The following EYS variants were observed in gnomAD, a reference collection of about 807,000 sequenced individuals.
EYS encodes the protein EGF-like photoreceptor maintenance factor, also known as protein eyes shut homolog.
EYS carries 250 observed loss-of-function variants against 282.1 expected under a neutral mutation model. That is an observed-to-expected ratio of 0.89 (90% CI 0.80 to 0.98). EYS has a LOEUF of 0.98. EYS is among the 50% of genes least tolerant of loss of function. The pLI is 0.00. For missense variants in EYS, 4,016 were observed against 3,709.0 expected (o/e 1.08, Z -2.15); for synonymous variants, 1,355 against 1,282.9 (o/e 1.06, Z -1.20).
At position 64,336,562 on chromosome 6, in the gene EYS, G is replaced by T. The variant is rs191337639; in HGVS notation, c.6079-29480C>A. Among the ~76,000 whole-genome samples the T allele has an allele frequency of 8.2e-4, 124 of 152,112 alleles. 1 individual carries two copies. Among genetic ancestry groups the T allele is most frequent in the Admixed American group, 7.1e-3 (109 of 15,264 alleles). On this transcript the variant is annotated intron_variant, in intron 29 of 42. Transcript: ENST00000503581. ...ATACTCCACTGACAGCCCTAGACAG[G>T]TCATCAAGACAGAAAGTCAACAAAG...
intron 36 of EYS, among the ~76,000 whole-genome samples, chr6:63,852,527 AT>A (rs1772285919): frequency 6.6e-6 from 1 of 152,188 alleles, no homozygotes; most frequent in African/African-American, 2.4e-5. Context: ...GACCAGATGA[AT>A]TCACAGCTGA....
intron 26 of EYS, among the ~76,000 whole-genome samples, chr6:64,502,304 G>T (rs1006197469): frequency 6.6e-6 from 1 of 151,884 alleles, no homozygotes; most frequent in African/African-American, 2.4e-5. Context: ...TCAGTGGCGC[G>T]ATCTCGACTC....
At chr6:64,546,066 C>G (rs1215059110) in intron 26 of EYS, among the ~76,000 whole-genome samples, 1 of 152,168 alleles carries the variant, frequency 6.6e-6, no homozygotes, top group African/African-American at 2.4e-5. Flanking sequence ...ATTGCCAAGT[C>G]AATCCTAAGC....
At chr6:64,544,335 A>G (rs1320001353) in intron 26 of EYS, among the ~76,000 whole-genome samples, 5 of 152,244 alleles carry the variant, frequency 3.3e-5, no homozygotes, top group Non-Finnish European at 7.3e-5. Context: ...GTTGCAATTA[A>G]GTGAATTCAG....
rs564835592 is a variant in EYS at position 64,194,064 on chromosome 6, G to C, written c.6424+36528C>G. Among the ~76,000 whole-genome samples the C allele has an allele frequency of 2.0e-5, 3 of 152,116 alleles. No individual in the cohort carries two copies. The East Asian group carries it at 5.8e-4, about 29-fold the overall frequency. Reference sequence around the variant, plus strand: ...TGGTATGGTATTTTTAGTAGAGACGGGGTTTCACCACGTAAGCCAGGATAG... The same window carrying C: ...TGGTATGGTATTTTTAGTAGAGACGCGGTTTCACCACGTAAGCCAGGATAG... On this transcript the variant is annotated intron_variant, in intron 31 of 42. Coordinates refer to ENST00000503581, the MANE Select transcript of EYS (RefSeq NM_001142800.2).
chr6:64,359,114 T>C (rs1301305861), intron 29 of EYS, among the ~76,000 whole-genome samples: 1 of 151,660 alleles, frequency 6.6e-6, no homozygotes, highest in Non-Finnish European at 1.5e-5. Context: ...TTATGTTAGG[T>C]TGTCCACTTA....
At chr6:64,778,600 A>G (rs1446107519) in intron 22 of EYS, among the ~76,000 whole-genome samples, 1 of 152,176 alleles carries the variant, frequency 6.6e-6, no homozygotes, top group Non-Finnish European at 1.5e-5. Flanking sequence ...CAAGAGAATG[A>G]CAGATAAGCC....
intron 2 of EYS, among the ~76,000 whole-genome samples, chr6:65,621,889 A>T (rs1409692182): frequency 6.6e-6 from 1 of 152,312 alleles, no homozygotes; most frequent in East Asian, 1.9e-4. Flanking sequence ...AATGAAGAGA[A>T]GTTAAGTGAG....
intron 22 of EYS, among the ~76,000 whole-genome samples, chr6:64,710,399 T>C (rs914159421): frequency 5.9e-5 from 9 of 152,196 alleles, no homozygotes; most frequent in African/African-American, 9.6e-5. Context: ...TTCACCTGCA[T>C]AGGGCACCAA....
At chr6:63,742,604 T>C (rs1248523158) in intron 41 of EYS, among the ~76,000 whole-genome samples, 3 of 152,152 alleles carry the variant, frequency 2.0e-5, no homozygotes, top group Non-Finnish European at 4.4e-5. Flanking sequence ...CCAATAATGC[T>C]CTTCAAGAAA....
At chr6:64,412,428 T>C (rs771412170) in intron 28 of EYS, among the ~76,000 whole-genome samples, 4 of 152,154 alleles carry the variant, frequency 2.6e-5, no homozygotes, top group African/African-American at 4.8e-5. Context: ...TTAGTATTTA[T>C]TTATCTAATG....
intron 12 of EYS, among the ~76,000 whole-genome samples, chr6:65,077,515 A>T (rs992073454): frequency 1.3e-5 from 2 of 152,154 alleles, no homozygotes; most frequent in African/African-American, 2.4e-5. Context: ...AAATAAATGC[A>T]TTAAGTTAGA....
chr6:63,838,452 G>C (rs1306798413), intron 36 of EYS, among the ~76,000 whole-genome samples: 1 of 152,084 alleles, frequency 6.6e-6, no homozygotes, highest in Non-Finnish European at 1.5e-5. Flanking sequence ...GCTTCCCTAA[G>C]GGCTTCTCCA....
Position 63,863,663 on chromosome 6 carries a change from C to CTTTTTTTTTTTTTT in EYS, c.7228+522_7228+523insAAAAAAAAAAAAAA. Among the ~76,000 whole-genome samples, 2 of 55,792 alleles carry CTTTTTTTTTTTTTT rather than the reference C, an allele frequency of 3.6e-5. 1 individual carries two copies. The allele number at this position is 55,792 out of a possible 152,430, so 36.6% of individuals were successfully genotyped here. A position where few individuals can be genotyped will look rare whatever the true frequency, so the allele number is the denominator to read the frequency against. On this transcript the variant is annotated intron_variant, in intron 36 of 42. Coordinates refer to ENST00000503581, the MANE Select transcript of EYS (RefSeq NM_001142800.2). Reference sequence around the variant, plus strand: ...TTTTTCTTTTCTTTTCTTTTCTTTTCTTTTCTTTTTTCTTTTTTTTTTTTT... The same window carrying CTTTTTTTTTTTTTT: ...TTTTTCTTTTCTTTTCTTTTCTTTTCTTTTTTTTTTTTTTTTTTCTTTTTTCTTTTTTTTTTTTT...
At chr6:63,754,686 T>C (rs1769431914) in intron 41 of EYS, among the ~76,000 whole-genome samples, 2 of 152,250 alleles carry the variant, frequency 1.3e-5, no homozygotes, top group African/African-American at 2.4e-5. Flanking sequence ...GCATGATTTA[T>C]AATCCTTTGG....
chr6:65,335,015 A>T lies in EYS; in HGVS notation c.1731T>A (p.His577Gln), dbSNP rs1582153415. The T allele has an allele frequency of 6.2e-7, 1 of 1,610,864 alleles. No homozygotes were observed. Among genetic ancestry groups the T allele is most frequent in the South Asian group, 1.1e-5 (1 of 91,034 alleles). ...TTDDQENECQ[H>Q]EAVCKDEINR... ...TAATTTCATCTTTACAAACAGCTTC[A>T]TGTTGACACTCATTTTCTTGATCAT... The change falls in exon 11 of 43, where the codon CAT becomes CAA. Residue 577 changes from histidine (H) to glutamine (Q), a missense_variant. By Grantham distance (24) the His-to-Gln change is conservative. Coordinates refer to ENST00000503581, the MANE Select transcript of EYS (RefSeq NM_001142800.2).
chr6:65,390,728 T>A (rs1433903605), intron 7 of EYS, among the ~76,000 whole-genome samples: 3 of 151,506 alleles, frequency 2.0e-5, no homozygotes, highest in African/African-American at 4.9e-5. Context: ...CACAATTTCT[T>A]TTTTTCAAAA....
At chr6:64,134,568 A>G (rs1338034568) in intron 31 of EYS, among the ~76,000 whole-genome samples, 1 of 152,064 alleles carries the variant, frequency 6.6e-6, no homozygotes, top group African/African-American at 2.4e-5. Flanking sequence ...CTAAATTCGA[A>G]CCTGACAGGG....
At chr6:64,552,211 A>T (rs909805288) in intron 26 of EYS, among the ~76,000 whole-genome samples, 1 of 152,172 alleles carries the variant, frequency 6.6e-6, no homozygotes, top group Non-Finnish European at 1.5e-5. Flanking sequence ...TAAAACAGAA[A>T]CCTTAAGACG....
Sources: gnomAD v4.1 joint callset for allele counts (sites outside exome capture counted in the v4.1 genomes callset) on GRCh38, gnomAD v4.1.1 for gene constraint, MANE v1.5 for transcripts, NCBI Gene and HGNC (gene_info 2026-07-23, HGNC 2026-07-21) for gene names.